GRAMD1C: variants seen among roughly 807,000 people sequenced by gnomAD.
GRAMD1C encodes the protein GRAM domain containing 1C, also known as protein Aster-C.
A neutral mutation model predicts 97.8 loss-of-function variants in GRAMD1C; 89 were observed. That is an observed-to-expected ratio of 0.91 (90% CI 0.77 to 1.09). GRAMD1C has a LOEUF of 1.09. GRAMD1C is among the 50% of genes least tolerant of loss of function. The pLI, the probability that GRAMD1C is intolerant of heterozygous loss-of-function variation, is 0.00. For missense variants in GRAMD1C, 740 were observed against 766.4 expected (o/e 0.97, Z 0.41); for synonymous variants, 256 against 267.0 (o/e 0.96, Z 0.40).
At chr3:113,876,286 A>T (rs1230220672) in intron 5 of GRAMD1C, 26 bp downstream of exon 5, 1 of 1,209,660 alleles carries the variant, frequency 8.3e-7, no homozygotes, top group Non-Finnish European at 1.2e-6. Flanking sequence ...TCTTTGTTAT[A>T]TTACATAATG....
At chr3:113,894,835 T>A (rs1270237351) in intron 6 of GRAMD1C, among the ~76,000 whole-genome samples, 1 of 152,168 alleles carries the variant, frequency 6.6e-6, no homozygotes, top group Non-Finnish European at 1.5e-5. Context: ...TGAGGGGAGC[T>A]TTTTAAATGT....
chr3:113,870,774 A>C (rs949439212), intron 3 of GRAMD1C, among the ~76,000 whole-genome samples: 4 of 152,078 alleles, frequency 2.6e-5, no homozygotes, highest in African/African-American at 9.7e-5. Context: ...AGACAATGGA[A>C]AACTCAATTG....
intron 17 of GRAMD1C, among the ~76,000 whole-genome samples, chr3:113,940,691 T>C (rs1937733635): frequency 6.6e-6 from 1 of 152,214 alleles, no homozygotes; most frequent in Non-Finnish European, 1.5e-5. Flanking sequence ...AAGCTCTTTT[T>C]ACAGGAATGG....
intron 5 of GRAMD1C, among the ~76,000 whole-genome samples, chr3:113,878,988 C>T (rs1359987939): frequency 2.6e-5 from 4 of 151,962 alleles, no homozygotes; most frequent in African/African-American, 9.7e-5. Flanking sequence ...GGGTGGATCA[C>T]GCGGTCAGGA....
intron 8 of GRAMD1C, among the ~76,000 whole-genome samples, chr3:113,908,000 C>A (rs552982560): frequency 6.6e-6 from 1 of 152,190 alleles, no homozygotes; most frequent in Non-Finnish European, 1.5e-5. Context: ...ATCTTCTGAC[C>A]AGGGCAATAT....
intron 2 of GRAMD1C, among the ~76,000 whole-genome samples, chr3:113,848,752 G>A (rs77691850): frequency 0.023 from 3,549 of 152,200 alleles, 135 homozygotes; most frequent in African/African-American, 0.078. Flanking sequence ...GTTATGGTGC[G>A]CTGTGATCAT....
rs546602224 is a variant in GRAMD1C, at chr3:113,857,408, C to T, written c.175-12099C>T. On this transcript the variant is annotated intron_variant, in intron 2 of 17. Transcript: ENST00000358160. Reference sequence around the variant, plus strand: ...TTTTTTTTTTTGAGACGGAGTCTTGCTCTGTCGCCCAGGCTGGGGTGCAGT... The same window carrying T: ...TTTTTTTTTTTGAGACGGAGTCTTGTTCTGTCGCCCAGGCTGGGGTGCAGT... Among the ~76,000 whole-genome samples the T allele has an allele frequency of 1.4e-4, 21 of 146,436 alleles. No individual in the cohort carries two copies. In the South Asian group the frequency reaches 3.0e-3, roughly 21 times the overall value.
chr3:113,829,378 A>G (rs537964592), intron 1 of GRAMD1C, among the ~76,000 whole-genome samples: 17 of 152,228 alleles, frequency 1.1e-4, no homozygotes, highest in Non-Finnish European at 1.9e-4. Context: ...CAGAAGGTTA[A>G]GACTGCAGTG....
intron 5 of GRAMD1C, among the ~76,000 whole-genome samples, chr3:113,880,851 G>A (rs1212533475): frequency 1.3e-5 from 2 of 152,116 alleles, no homozygotes; most frequent in Non-Finnish European, 2.9e-5. Context: ...ACTAACAACA[G>A]GTGATAGAAC....
At chr3:113,832,209 G>A (rs1344668381) in intron 1 of GRAMD1C, among the ~76,000 whole-genome samples, 1 of 151,950 alleles carries the variant, frequency 6.6e-6, no homozygotes, top group East Asian at 1.9e-4. Context: ...TGTGTTTTTA[G>A]TAGAGATAGG....
At chr3:113,920,014 A>T (rs983675031) in intron 10 of GRAMD1C, 1 of 752,268 alleles carries the variant, frequency 1.3e-6, no homozygotes. Context: ...ATGTGAACCA[A>T]AAAGTTTCAG....
At chr3:113,882,946 C>A in intron 6 of GRAMD1C, 114 bp downstream of exon 6, 1 of 520,364 alleles carries the variant, frequency 1.9e-6, no homozygotes, top group Non-Finnish European at 3.5e-6. Flanking sequence ...AATTGAAATT[C>A]TAAGTAGAAA....
chr3:113,849,307 A>T (rs71319386), intron 2 of GRAMD1C, among the ~76,000 whole-genome samples: 39,040 of 140,372 alleles, frequency 0.28, 6,244 homozygotes, highest in Non-Finnish European at 0.36. Context: ...TTATTTATTT[A>T]TTTTTTATTG....
At chr3:113,884,528 T>C (rs970571728) in intron 6 of GRAMD1C, among the ~76,000 whole-genome samples, 1 of 152,152 alleles carries the variant, frequency 6.6e-6, no homozygotes, top group African/African-American at 2.4e-5. Context: ...CAATAACCTA[T>C]ATTTCTGCCT....
At chr3:113,935,677 T>C (rs954120946) in intron 13 of GRAMD1C, among the ~76,000 whole-genome samples, 1 of 151,980 alleles carries the variant, frequency 6.6e-6, no homozygotes, top group Non-Finnish European at 1.5e-5. Flanking sequence ...CTTTCTTCCT[T>C]GTCTATTTCA....
intron 6 of GRAMD1C, chr3:113,885,822 C>T: frequency 6.2e-7 from 1 of 1,611,166 alleles, no homozygotes; most frequent in Non-Finnish European, 8.5e-7. Flanking sequence ...CTCTGTGGTC[C>T]ACAGTGACCT....
At position 113,841,285 on chromosome 3, in the gene GRAMD1C, C is replaced by CTTTTTTTTTTTTTTTTTTTTTTT. The variant is rs772233296; in HGVS notation, c.27+2365_27+2366insTTTTTTTTTTTTTTTTTTTTTTT. Among the ~76,000 whole-genome samples the CTTTTTTTTTTTTTTTTTTTTTTT allele has an allele frequency of 2.4e-4, 23 of 94,336 alleles. 2 individuals are homozygous for CTTTTTTTTTTTTTTTTTTTTTTT. Among genetic ancestry groups the CTTTTTTTTTTTTTTTTTTTTTTT allele is most frequent in the East Asian group, 3.5e-4 (1 of 2,818 alleles). 61.9% of individuals were successfully genotyped at this position (94,336 alleles called of 152,430 possible). The stretch of plus-strand genomic sequence containing the variant: ...TCACAAAGTACTTCTTTCTTTCTTT[C>CTTTTTTTTTTTTTTTTTTTTTTT]TTTTTTTTTTTTTTTTGCGAGACAG... On this transcript the variant is annotated intron_variant, in intron 1 of 17. Transcript: ENST00000358160.
chr3:113,915,933 G>T, intron 10 of GRAMD1C, 95 bp downstream of exon 10: 1 of 948,124 alleles, frequency 1.1e-6, no homozygotes, highest in Non-Finnish European at 1.6e-6. Flanking sequence ...GTTGTGAGGA[G>T]GAAGAATTAG....
intron 10 of GRAMD1C, among the ~76,000 whole-genome samples, chr3:113,925,684 TG>T (rs1209724202): frequency 6.6e-6 from 1 of 152,222 alleles, no homozygotes; most frequent in African/African-American, 2.4e-5. Context: ...CAATGGTCTA[TG>T]TACTTAAGTG....
Sources: gnomAD v4.1 joint callset for allele counts (sites outside exome capture counted in the v4.1 genomes callset) on GRCh38, gnomAD v4.1.1 for gene constraint, MANE v1.5 for transcripts, NCBI Gene and HGNC (gene_info 2026-07-23, HGNC 2026-07-21) for gene names.